PTPRN2: variants seen among roughly 807,000 people sequenced by gnomAD.
PTPRN2 encodes the protein protein tyrosine phosphatase receptor type N2, also known as receptor-type tyrosine-protein phosphatase N2.
In PTPRN2, 74 loss-of-function variants were observed where a neutral mutation model predicts 118.8. The observed-to-expected ratio is 0.62, with a 90% confidence interval of 0.52 to 0.76. PTPRN2 has a LOEUF of 0.76. Among genes scored for constraint, PTPRN2 ranks in the 30% least tolerant of loss-of-function variants. PTPRN2 has a pLI of 0.00. For missense variants in PTPRN2, 1,481 were observed against 1,394.4 expected, an observed-to-expected ratio of 1.06 and a Z score of -0.99; for synonymous variants, 641 against 608.0, an observed-to-expected ratio of 1.05 and a Z score of -0.80.
chr7:158,324,020 C>G (rs183628046), intron 2 of PTPRN2, among the ~76,000 whole-genome samples: 3 of 103,592 alleles, frequency 2.9e-5, no homozygotes, highest in Non-Finnish European at 6.0e-5. Context: ...ATTATGCAGA[C>G]ACACACACAG....
rs1806104830 is a variant in PTPRN2 at position 157,656,514 on chromosome 7, T to C, written c.2039A>G (p.Asp680Gly). ...TGACGTGTGCGGGCCCTCAGGTCGG[T>C]CTGGTGGCCGCGTGGCCATACGCTG... ...CRQRMATRPP[D>G]RPEGPHTSRI... Residue 680 changes from aspartate to glycine, a missense_variant, in exon 14 of 23, where the codon GAC becomes GGC. Physicochemically the swap from Asp to Gly is moderately conservative, Grantham distance 94. Transcript: ENST00000389418. The C allele has an allele frequency of 3.9e-6, 6 of 1,551,054 alleles. No homozygotes were observed. Among genetic ancestry groups the C allele is most frequent in the South Asian group, 1.2e-5 (1 of 84,820 alleles).
At chr7:157,755,817 C>G (rs1478287956) in intron 12 of PTPRN2, among the ~76,000 whole-genome samples, 1 of 152,156 alleles carries the variant, frequency 6.6e-6, no homozygotes, top group African/African-American at 2.4e-5. Flanking sequence ...CATTCTTACT[C>G]CAAACCTCAG....
At chr7:158,442,382 C>T (rs1186193846) in intron 2 of PTPRN2, among the ~76,000 whole-genome samples, 2 of 152,054 alleles carry the variant, frequency 1.3e-5, no homozygotes, top group Admixed American at 1.3e-4. Context: ...TGACCAGTTA[C>T]CTATTCATGG....
Position 157,929,339 on chromosome 7 carries a change from A to G in PTPRN2, c.1724-30602T>C, listed in dbSNP as rs1326060229. 6.6e-6 allele frequency among the ~76,000 whole-genome samples: 1 copy of G among 152,084 alleles called. No homozygotes were observed. The highest frequency in any genetic ancestry group is 2.4e-5 in the African/African-American group (1 of 41,412). On this transcript the variant is annotated intron_variant, in intron 11 of 22. Coordinates refer to ENST00000389418, the MANE Select transcript of PTPRN2 (RefSeq NM_002847.5). The surrounding 1 kb of genome is among the most constrained non-coding windows in gnomAD (Gnocchi z 4.4). ...CTTACGGTGGGGATGCTGGACAGGC[A>G]TTCAGGAGACACAAATGTCAACTCC...
At chr7:158,388,230 G>A (rs529638051) in intron 2 of PTPRN2, among the ~76,000 whole-genome samples, 84 of 152,198 alleles carry the variant, frequency 5.5e-4, no homozygotes, top group South Asian at 2.1e-3. Context: ...CCTGATCCAC[G>A]GCCACATCCT....
intron 12 of PTPRN2, among the ~76,000 whole-genome samples, chr7:157,896,278 C>A (rs1797109728): frequency 6.6e-6 from 1 of 152,122 alleles, no homozygotes; most frequent in South Asian, 2.1e-4. Flanking sequence ...CCCAGATCCC[C>A]TGATCCAAGC....
intron 21 of PTPRN2, 122 bp from the exon 22 acceptor site, chr7:157,549,141 T>C: frequency 1.1e-6 from 1 of 942,016 alleles, no homozygotes; most frequent in Non-Finnish European, 1.7e-6. Context: ...ATTACGCTCA[T>C]CCCTCAGCCG....
intron 11 of PTPRN2, among the ~76,000 whole-genome samples, chr7:157,973,876 C>CGGAATGAACCTAACGGAACCT (rs1349836417): frequency 6.6e-6 from 1 of 152,202 alleles, no homozygotes; most frequent in Non-Finnish European, 1.5e-5. Context: ...ACTGGAACCA[C>CGGAATGAACCTAACGGAACCT]AGGGTATGAA....
chr7:158,063,685 G>A (rs1810534989), intron 11 of PTPRN2, among the ~76,000 whole-genome samples: 1 of 152,152 alleles, frequency 6.6e-6, no homozygotes, highest in Non-Finnish European at 1.5e-5. Context: ...CCACCAGAAA[G>A]AAGAAAATCT....
Position 157,588,755 on chromosome 7 carries a change from G to A in PTPRN2, c.2496+6483C>T, listed in dbSNP as rs148134553. Among the ~76,000 whole-genome samples, 8 of 152,242 alleles carry A rather than the reference G, an allele frequency of 5.3e-5. No individual in the cohort carries two copies. The East Asian group carries it at 1.2e-3, about 22-fold the overall frequency. On this transcript the variant is annotated intron_variant, in intron 17 of 22. Coordinates refer to ENST00000389418, the MANE Select transcript of PTPRN2 (RefSeq NM_002847.5). The stretch of plus-strand genomic sequence containing the variant: ...ATCTCTCTTTTCTGTTTATAGAGAC[G>A]TCTTCATGTCACTGTGCCTTCTTTA...
intron 2 of PTPRN2, among the ~76,000 whole-genome samples, chr7:158,327,491 A>G (rs1233504974): frequency 6.6e-6 from 1 of 151,970 alleles, no homozygotes; most frequent in East Asian, 1.9e-4. Flanking sequence ...ACATTCTCAC[A>G]TGCACAAGTT....
intron 11 of PTPRN2, among the ~76,000 whole-genome samples, chr7:157,908,851 A>T (rs529241770): frequency 6.6e-6 from 1 of 151,918 alleles, no homozygotes; most frequent in Non-Finnish European, 1.5e-5. Context: ...TTTTGAAGAA[A>T]AATAGCTTTT....
Position 157,827,723 on chromosome 7 carries a change from G to A in PTPRN2, c.1788+70950C>T, listed in dbSNP as rs192167546. Among the ~76,000 whole-genome samples, 461 of 152,296 alleles carry A rather than the reference G, an allele frequency of 3.0e-3. 2 individuals carry two copies. Among genetic ancestry groups the A allele is most frequent in the African/African-American group, 0.01 (427 of 41,556 alleles). On this transcript the variant is annotated intron_variant, in intron 12 of 22. Coordinates refer to ENST00000389418, the MANE Select transcript of PTPRN2 (RefSeq NM_002847.5). ...AGGTGCTGGGGTGCCTTGGAGGAGG[G>A]CGGTTGGTGGTGTCTCCACTACGAC... is the stretch of plus-strand genomic sequence containing the variant.
At chr7:158,559,606 C>A (rs1022954933) in intron 1 of PTPRN2, among the ~76,000 whole-genome samples, 1 of 152,198 alleles carries the variant, frequency 6.6e-6, no homozygotes, top group Non-Finnish European at 1.5e-5. Flanking sequence ...CGCGGGGATA[C>A]CTCACCCAGC....
In PTPRN2 at chr7:157,583,936, T is replaced by A. The variant is rs1457570558; in HGVS notation, c.2497-5796A>T. ...CACACACACACACACACACACACAC[T>A]CTTAAAATAAGCTCTCCTGAAGCCC... On this transcript the variant is annotated intron_variant, in intron 17 of 22. Coordinates refer to ENST00000389418, the MANE Select transcript of PTPRN2 (RefSeq NM_002847.5). The surrounding 1 kb of genome is among the most constrained non-coding windows in gnomAD (Gnocchi z 5.5). Among the ~76,000 whole-genome samples, 1 of 128,692 alleles carries A rather than the reference T, an allele frequency of 7.8e-6. No individual in the cohort carries two copies. The highest frequency in any genetic ancestry group is 1.7e-5 in the Non-Finnish European group (1 of 59,860). The allele number at this position is 128,692 out of a possible 152,430, so 84.4% of individuals were successfully genotyped here.
chr7:157,730,853 G>T (rs1799856080), intron 12 of PTPRN2, among the ~76,000 whole-genome samples: 1 of 152,122 alleles, frequency 6.6e-6, no homozygotes, highest in African/African-American at 2.4e-5. Context: ...CCTCGGCGTG[G>T]CTCCCGCCAG....
chr7:158,326,660 T>C (rs111468004), intron 2 of PTPRN2, among the ~76,000 whole-genome samples: 1 of 69,528 alleles, frequency 1.4e-5, no homozygotes, highest in Admixed American at 1.4e-4. Flanking sequence ...ATGCTCACAC[T>C]CTCACATGCA....
At chr7:157,776,531 T>TCCTTCTCCTTCTCCCTCTCCTCCTCC (rs1563096959) in intron 12 of PTPRN2, among the ~76,000 whole-genome samples, 2 of 3,280 alleles carry the variant, frequency 6.1e-4, no homozygotes, top group African/African-American at 3.0e-3. Flanking sequence ...CCCTCTCCTC[T>TCCTTCTCCTTCTCCCTCTCCTCCTCC]CTCTCCTTCT....
chr7:158,517,721 G>A lies in PTPRN2; in HGVS notation c.113-27936C>T, dbSNP rs148445559. 4.5e-4 allele frequency among the ~76,000 whole-genome samples: 68 copies of A among 151,990 alleles called. No individual in the cohort carries two copies. Among genetic ancestry groups the A allele is most frequent in the Non-Finnish European group, 7.9e-4 (54 of 67,954 alleles). On this transcript the variant is annotated intron_variant, in intron 1 of 22. Transcript: ENST00000389418. The surrounding 1 kb of genome is among the most constrained non-coding windows in gnomAD (Gnocchi z 5.3). ...ACCATAGCCAGGCAGGCCTCCAGGC[G>A]CTTCCAGACTCATCCCCACCATAGC...
Sources: allele counts gnomAD v4.1 joint callset (sites outside exome capture counted in the v4.1 genomes callset), GRCh38; gene constraint gnomAD v4.1.1; non-coding constraint Gnocchi (gnomAD v3.1); transcripts MANE v1.5; gene names NCBI Gene and HGNC (gene_info 2026-07-23, HGNC 2026-07-21).